Variants in FIGLA observed in about 807,000 individuals in gnomAD.
The protein encoded by FIGLA is factor in the germline alpha.
FIGLA carries 17 observed loss-of-function variants against 21.5 expected under a neutral mutation model. That is an observed-to-expected ratio of 0.79 (90% confidence interval 0.54 to 1.19). FIGLA has a LOEUF of 1.19. FIGLA is among the 50% of genes most tolerant of loss of function. FIGLA has a pLI of 0.00. For synonymous variants in FIGLA, 129 were observed against 117.6 expected, an observed-to-expected ratio of 1.10 and a Z score of -0.63; for missense variants, 282 against 285.0, an observed-to-expected ratio of 0.99 and a Z score of 0.08.
At chr2:70,779,680 G>A (rs535592047) in intron 3 of FIGLA, among the ~76,000 whole-genome samples, 2 of 152,252 alleles carry the variant, frequency 1.3e-5, no homozygotes, top group South Asian at 2.1e-4. Flanking sequence ...TATACTGGCA[G>A]CATACCAAGG....
At chr2:70,777,500 G>T in intron 4 of FIGLA, 118 bp from the exon 5 acceptor site, 2 of 1,378,342 alleles carry the variant, frequency 1.5e-6, no homozygotes, top group Non-Finnish European at 2.0e-6. Context: ...TAAATTTAAA[G>T]ATACTACTTT....
chr2:70,785,392 G>A, intron 3 of FIGLA, 23 bp downstream of exon 3: 1 of 1,557,430 alleles, frequency 6.4e-7, no homozygotes, highest in South Asian at 1.1e-5. Context: ...ATCTGTATGG[G>A]TATTTAAGAA....
intron 3 of FIGLA, among the ~76,000 whole-genome samples, chr2:70,783,139 CAA>C (rs1364770067): frequency 6.6e-6 from 1 of 151,582 alleles, no homozygotes; most frequent in African/African-American, 2.4e-5. Context: ...AATGCTTCTG[CAA>C]AAAAATGGCA....
Position 70,777,347 on chromosome 2 carries a change from A to C in FIGLA, c.*20T>G. ...TGCATTTATTTGTCTCTAGAAGGTA[A>C]CCCTGGGCCTTTTCATTTTTCATAC... On this transcript the variant is annotated 3_prime_UTR_variant, in exon 5 of 5. Coordinates refer to ENST00000332372, the MANE Select transcript of FIGLA (RefSeq NM_001004311.3). 1 of 1,476,670 alleles carries C rather than the reference A, an allele frequency of 6.8e-7. No individual in the cohort carries two copies. Among genetic ancestry groups the C allele is most frequent in the Non-Finnish European group, 9.1e-7 (1 of 1,103,942 alleles). 91.5% of individuals were successfully genotyped at this position (1,476,670 alleles called of 1,614,324 possible).
chr2:70,784,031 C>T (rs1675902382), intron 3 of FIGLA, among the ~76,000 whole-genome samples: 6 of 152,162 alleles, frequency 3.9e-5, no homozygotes. Context: ...TCCATGTCAG[C>T]TCATGTAGTA....
At position 70,790,532 on chromosome 2, in the gene FIGLA, G is replaced by C; in HGVS notation, c.107C>G (p.Pro36Arg). 1 of 1,537,390 alleles carries C rather than the reference G, an allele frequency of 6.5e-7. No homozygotes were observed. Among genetic ancestry groups the C allele is most frequent in the South Asian group, 1.2e-5 (1 of 83,688 alleles). The change falls in exon 1 of 5, where the codon CCG becomes CGG. Residue 36 changes from proline (P) to arginine (R), a missense_variant. By Grantham distance (103) the Pro-to-Arg change is moderately radical (BLOSUM62 -2). Transcript: ENST00000332372. Reference protein sequence around the residue: ...LEDVLREQFGPLPQLAAVCRL... With the variant: ...LEDVLREQFGRLPQLAAVCRL... ...GCAGACAGCGGCCAGCTGGGGCAGCGGCCCGAACTGCTCCCGCAACACGTC... is the reference window on the plus strand; with the variant it reads ...GCAGACAGCGGCCAGCTGGGGCAGCCGCCCGAACTGCTCCCGCAACACGTC...
intron 3 of FIGLA, among the ~76,000 whole-genome samples, chr2:70,784,583 C>T (rs1675911269): frequency 6.6e-6 from 1 of 152,174 alleles, no homozygotes; most frequent in South Asian, 2.1e-4. Flanking sequence ...CCTCAGTAGT[C>T]TGTTCCCAGA....
rs553064465 is a variant in FIGLA, at chr2:70,790,333, C to A, written c.231+75G>T. ...GAGCGGGGGTGGGCGGTGAGCGGAC[C>A]CCCGGGTGTTGACCAGGTGTTTGGT... On this transcript the variant is annotated intron_variant, in intron 1 of 4. Coordinates refer to ENST00000332372, the MANE Select transcript of FIGLA (RefSeq NM_001004311.3). 4.3e-5 allele frequency: 60 copies of A among 1,398,436 alleles called. No individual in the cohort carries two copies. In the African/African-American group the frequency reaches 7.5e-4, roughly 18 times the overall value. The allele number at this position is 1,398,436 out of a possible 1,614,324, so 86.6% of individuals were successfully genotyped here.
chr2:70,790,572 C>T lies in FIGLA; in HGVS notation c.67G>A (p.Ala23Thr). The T allele has an allele frequency of 6.6e-7, 1 of 1,518,880 alleles. No individual in the cohort carries two copies. Among genetic ancestry groups the T allele is most frequent in the Non-Finnish European group, 8.8e-7 (1 of 1,139,180 alleles). 94.1% of individuals were successfully genotyped at this position (1,518,880 alleles called of 1,614,324 possible). ...CGCAACACGTCCTCCAGCACCTCGGCTTGCGGGGTGCCCAGGAGCGCGGGC... is the reference window on the plus strand; with the variant it reads ...CGCAACACGTCCTCCAGCACCTCGGTTTGCGGGGTGCCCAGGAGCGCGGGC... ...APPALLGTPQAEVLEDVLREQ... is the reference protein window; with the variant it reads ...APPALLGTPQTEVLEDVLREQ... Residue 23 changes from alanine to threonine, a missense_variant, in exon 1 of 5, where the codon GCC (alanine) becomes ACC (threonine). Physicochemically the swap from Ala to Thr is moderately conservative, Grantham distance 58. Coordinates refer to ENST00000332372, the MANE Select transcript of FIGLA (RefSeq NM_001004311.3).
chr2:70,787,559 G>C (rs1553390196), intron 2 of FIGLA, 90 bp downstream of exon 2: 1 of 1,300,496 alleles, frequency 7.7e-7, no homozygotes, highest in East Asian at 2.5e-5. Flanking sequence ...TAAGTGGAAA[G>C]TATACATATA....
At chr2:70,782,138 C>T (rs1675866994) in intron 3 of FIGLA, among the ~76,000 whole-genome samples, 1 of 152,028 alleles carries the variant, frequency 6.6e-6, no homozygotes, top group Non-Finnish European at 1.5e-5. Context: ...TTTCAAAGCA[C>T]CTCCTCACAA....
At chr2:70,786,174 A>G (rs1324166484) in intron 2 of FIGLA, among the ~76,000 whole-genome samples, 1 of 149,672 alleles carries the variant, frequency 6.7e-6, no homozygotes, top group Non-Finnish European at 1.5e-5. Context: ...GTTCCTAAAC[A>G]TGATCAAATT....
In FIGLA at chr2:70,785,427, TG is replaced by T. The variant is rs1553389782; in HGVS notation, c.596del (p.Pro199GlnfsTer11). The T allele has an allele frequency of 2.5e-6, 4 of 1,610,940 alleles. No homozygotes were observed. In the South Asian group the frequency reaches 4.4e-5, roughly 18 times the overall value. ...SVMSTTEIIS[P>X]TRSLDRFPEV... Reference sequence around the variant, plus strand: ...AGGAATATTTTACCAGACTTCTGGTTGGGGAGATAATTTCAGTCGTAGACAT... The same window carrying T: ...AGGAATATTTTACCAGACTTCTGGTTGGGAGATAATTTCAGTCGTAGACAT... On this transcript the variant is annotated frameshift_variant, in exon 3 of 5. Transcript: ENST00000332372. LOFTEE classifies it high-confidence loss of function.
chr2:70,779,946 C>T (rs377176269), intron 3 of FIGLA, among the ~76,000 whole-genome samples: 2 of 152,260 alleles, frequency 1.3e-5, no homozygotes, highest in Admixed American at 6.5e-5. Context: ...AATGCCAACC[C>T]CAATATGGCA....
chr2:70,785,913 T>C (rs1307033109), intron 2 of FIGLA, among the ~76,000 whole-genome samples: 7 of 152,198 alleles, frequency 4.6e-5, no homozygotes, highest in Admixed American at 4.6e-4. Flanking sequence ...GTTACACAAT[T>C]GACATGCAAG....
At chr2:70,787,260 C>T (rs1553390170) in intron 2 of FIGLA, among the ~76,000 whole-genome samples, 2 of 152,190 alleles carry the variant, frequency 1.3e-5, no homozygotes, top group Non-Finnish European at 2.9e-5. Context: ...TTCCTGTGTC[C>T]TGTCTGATGT....
intron 1 of FIGLA, among the ~76,000 whole-genome samples, chr2:70,789,457 A>G (rs781885468): frequency 2.0e-5 from 3 of 152,138 alleles, no homozygotes; most frequent in Non-Finnish European, 4.4e-5. Flanking sequence ...TCTGTCCATC[A>G]AGAGTCTAGT....
At chr2:70,782,792 G>A (rs1489428575) in intron 3 of FIGLA, among the ~76,000 whole-genome samples, 2 of 152,114 alleles carry the variant, frequency 1.3e-5, no homozygotes, top group Non-Finnish European at 2.9e-5. Flanking sequence ...TTAATGGCTG[G>A]GCATGGTGGC....
chr2:70,784,724 C>T lies in FIGLA; in HGVS notation c.609+691G>A, dbSNP rs188619034. Among the ~76,000 whole-genome samples, 8 of 152,222 alleles carry T rather than the reference C, an allele frequency of 5.3e-5. No homozygotes were observed. In the East Asian group the frequency reaches 1.4e-3, roughly 26 times the overall value. On this transcript the variant is annotated intron_variant, in intron 3 of 4. Coordinates refer to ENST00000332372, the MANE Select transcript of FIGLA (RefSeq NM_001004311.3). ...CATGCTTACTTCACATTCCTATACA[C>T]CTTTCTTATTTCAATAGTAATTGTG...
Sources: gnomAD v4.1 joint callset for allele counts (sites outside exome capture counted in the v4.1 genomes callset) on GRCh38, gnomAD v4.1.1 for gene constraint, MANE v1.5 for transcripts, NCBI Gene and HGNC (gene_info 2026-07-23, HGNC 2026-07-21) for gene names.